STARD10: variants seen among roughly 807,000 people sequenced by gnomAD.
The protein encoded by STARD10 is StAR related lipid transfer domain containing 10.
STARD10 carries 24 observed loss-of-function variants against 36.0 expected under a neutral mutation model. The observed-to-expected ratio is 0.67, with a 90% CI of 0.48 to 0.94. The LOEUF is 0.94. STARD10 is among the 40% of genes least tolerant of loss of function. The pLI, the probability that STARD10 is intolerant of heterozygous loss-of-function variation, is 0.00. For missense variants in STARD10, 335 were observed against 396.6 expected (o/e 0.84, Z 1.32); for synonymous variants, 156 against 161.9 (o/e 0.96, Z 0.28).
chr11:72,780,260 T>TG (rs1298542474), intron 2 of STARD10: 3 of 397,190 alleles, frequency 7.6e-6, no homozygotes, highest in Non-Finnish European at 1.6e-5. Flanking sequence ...AGGAGAATTG[T>TG]GGGGTTGGGA....
At chr11:72,780,502 C>T (rs1858977972) in intron 2 of STARD10, 2 of 395,330 alleles carry the variant, frequency 5.1e-6, no homozygotes, top group South Asian at 1.8e-5. Context: ...AGCAGGGCAT[C>T]GGGCAGTAAG....
At position 72,755,125 on chromosome 11, in the gene STARD10, G is replaced by A. The variant is rs750935121; in HGVS notation, c.648C>T (p.Tyr216=). 2.5e-5 allele frequency: 41 copies of A among 1,612,874 alleles called. No individual in the cohort carries two copies. Among genetic ancestry groups the A allele is most frequent in the Non-Finnish European group, 2.5e-5 (30 of 1,179,586 alleles). ...ACTCGGGGTACTTGAGGCACGCCTT[G>A]TACATCTTCTTCATGGCCTGTGGGC... ...FLAPKAMKKM[Y]KACLKYPEWK... is the part of the protein sequence containing the mutation. The change falls in exon 7 of 7, where the codon TAC becomes TAT. Residue 216 remains tyrosine, a synonymous_variant. Coordinates refer to ENST00000334805, the MANE Select transcript of STARD10 (RefSeq NM_006645.3).
At chr11:72,764,441 G>A (rs1016105139) in intron 2 of STARD10, among the ~76,000 whole-genome samples, 10 of 152,274 alleles carry the variant, frequency 6.6e-5, no homozygotes, top group African/African-American at 2.4e-4. Context: ...GCTAGTGGCA[G>A]ACTCTTGTGG....
In STARD10 at chr11:72,754,808, T is replaced by A; in HGVS notation, c.*89A>T. ...CTGGGCCTGGCCCGGTGCCACCAGG[T>A]GCCGGGTGGGGGAGGGGAGAAAGTG... is the stretch of plus-strand genomic sequence containing the variant. On this transcript the variant is annotated 3_prime_UTR_variant, in exon 7 of 7. Transcript: ENST00000334805. The A allele has an allele frequency of 1.3e-6, 2 of 1,514,228 alleles. No individual in the cohort carries two copies. The highest frequency in any genetic ancestry group is 1.2e-5 in the South Asian group (1 of 82,322). 93.8% of individuals were successfully genotyped at this position (1,514,228 alleles called of 1,614,324 possible).
In STARD10 at chr11:72,755,758, G is replaced by A. The variant is rs1286461149; in HGVS notation, c.578-5C>T. On this transcript the variant is annotated splice_polypyrimidine_tract_variant and splice_region_variant and intron_variant, in intron 5 of 6. Coordinates refer to ENST00000334805, the MANE Select transcript of STARD10 (RefSeq NM_006645.3). ...CCACCCACTTGGGTAAGGAGCCTGT[G>A]AGGGCAGGGAAGGGAGGAAGCAGCC... 1 of 1,611,078 alleles carries A rather than the reference G, an allele frequency of 6.2e-7. No homozygotes were observed. Among genetic ancestry groups the A allele is most frequent in the Admixed American group, 1.7e-5 (1 of 59,698 alleles).
intron 2 of STARD10, among the ~76,000 whole-genome samples, chr11:72,770,418 A>G (rs1330475417): frequency 4.6e-5 from 7 of 152,192 alleles, no homozygotes; most frequent in Admixed American, 3.3e-4. Context: ...GGGTTTCGCC[A>G]TGTTGGCCAG....
chr11:72,773,863 G>A (rs984827279), intron 2 of STARD10, among the ~76,000 whole-genome samples: 3 of 152,206 alleles, frequency 2.0e-5, no homozygotes, highest in Non-Finnish European at 2.9e-5. Context: ...ATGACAGCAG[G>A]GTCTGATCTG....
At chr11:72,775,320 C>T (rs1000345065) in intron 2 of STARD10, among the ~76,000 whole-genome samples, 2 of 152,212 alleles carry the variant, frequency 1.3e-5, no homozygotes, top group African/African-American at 2.4e-5. Context: ...ACAAATACAG[C>T]AGCAGCGCCC....
intron 2 of STARD10, among the ~76,000 whole-genome samples, chr11:72,759,681 A>G (rs1306324088): frequency 6.7e-6 from 1 of 148,718 alleles, no homozygotes; most frequent in African/African-American, 2.4e-5. Context: ...ATGCATCTCT[A>G]TGTCTGTGCC....
chr11:72,781,529 C>T lies in STARD10; in HGVS notation c.-113-235G>A. The T allele has an allele frequency of 4.5e-6, 1 of 221,040 alleles. No individual in the cohort carries two copies. The highest frequency in any genetic ancestry group is 7.5e-5 in the South Asian group (1 of 13,324). The allele number at this position is 221,040 out of a possible 1,614,324, so 13.7% of individuals were successfully genotyped here. A position where few individuals can be genotyped will look rare whatever the true frequency, so the allele number is the denominator to read the frequency against. On this transcript the variant is annotated intron_variant, in intron 1 of 6. Transcript: ENST00000334805. The surrounding 1 kb of genome is among the most constrained non-coding windows in gnomAD (Gnocchi z 4.7). ...GCGGGCGCCCGTCGGGACCCAGGGA[C>T]TGGCCGGGACCCGAGGGGAGGGACG...
At chr11:72,769,096 T>C (rs1858827582) in intron 2 of STARD10, among the ~76,000 whole-genome samples, 1 of 152,034 alleles carries the variant, frequency 6.6e-6, no homozygotes, top group Non-Finnish European at 1.5e-5. Context: ...GGTAAAGGGC[T>C]GGGGGGTGGA....
At position 72,757,813 on chromosome 11, in the gene STARD10, C is replaced by A. The variant is rs1858663728; in HGVS notation, c.531G>T (p.Gly177=). 2 of 1,614,080 alleles carry A rather than the reference C, an allele frequency of 1.2e-6. No homozygotes were observed. Among genetic ancestry groups the A allele is most frequent in the Non-Finnish European group, 1.7e-6 (2 of 1,180,042 alleles). The stretch of plus-strand genomic sequence containing the variant: ...GGTAGGTGATGACGCAGCTCTTGGG[C>A]CCTGTGCTCTGGATGAGGTAGCCCG... ...IQTGYLIQST[G]PKSCVITYLA... is the part of the protein sequence containing the mutation. Residue 177 remains glycine, a synonymous_variant, in exon 5 of 7, where the codon GGG becomes GGT. Coordinates refer to ENST00000334805, the MANE Select transcript of STARD10 (RefSeq NM_006645.3).
At chr11:72,777,880 G>A (rs1441201094) in intron 2 of STARD10, among the ~76,000 whole-genome samples, 3 of 152,214 alleles carry the variant, frequency 2.0e-5, no homozygotes, top group East Asian at 1.9e-4. Flanking sequence ...CACGGGGCAT[G>A]TCCAGGGGTC....
In STARD10 at chr11:72,754,953, CCT is replaced by C. The variant is rs1308906066; in HGVS notation, c.818_819del (p.Glu273GlyfsTer?). On this transcript the variant is annotated frameshift_variant, in exon 7 of 7. Coordinates refer to ENST00000334805, the MANE Select transcript of STARD10 (RefSeq NM_006645.3). LOFTEE classifies it high-confidence loss of function. ...IDESAVAESREERMGGAGGEG... is the reference protein window; with the variant it reads ...IDESAVAESRXERMGGAGGEG... ...TCGCCGCCCGCGCCGCCCATCCGCT[CCT>C]CTCTGCTCTCGGCCACCGCGCTCTC... 31 of 1,608,128 alleles carry C rather than the reference CCT, an allele frequency of 1.9e-5. No homozygotes were observed. Among genetic ancestry groups the C allele is most frequent in the Non-Finnish European group, 2.5e-5 (30 of 1,179,102 alleles).
chr11:72,767,222 G>A (rs960785639), intron 2 of STARD10, among the ~76,000 whole-genome samples: 4 of 152,114 alleles, frequency 2.6e-5, no homozygotes, highest in Non-Finnish European at 5.9e-5. Context: ...ACCATTGCTC[G>A]AAATCACTGA....
intron 1 of STARD10, among the ~76,000 whole-genome samples, chr11:72,789,366 A>G (rs1203312270): frequency 2.0e-5 from 3 of 152,138 alleles, no homozygotes; most frequent in Non-Finnish European, 1.5e-5. Context: ...TTTGTTCCTC[A>G]GTCTGGAGGC....
chr11:72,756,871 C>T (rs1482833986), intron 5 of STARD10, among the ~76,000 whole-genome samples: 2 of 152,124 alleles, frequency 1.3e-5, no homozygotes, highest in African/African-American at 2.4e-5. Flanking sequence ...GGGGGCTAAG[C>T]GCGGTGGCTC....
chr11:72,770,939 C>T (rs1858846761), intron 2 of STARD10, among the ~76,000 whole-genome samples: 1 of 152,238 alleles, frequency 6.6e-6, no homozygotes, highest in Non-Finnish European at 1.5e-5. Context: ...GGAAATGGAG[C>T]TGTCCTTTAG....
intron 2 of STARD10, among the ~76,000 whole-genome samples, chr11:72,772,663 A>ATCTC (rs144004318): frequency 1.3e-5 from 2 of 150,562 alleles, no homozygotes; most frequent in African/African-American, 2.4e-5. Context: ...CTGTCTGTCT[A>ATCTC]TCTCTCTCTC....
Sources: allele counts gnomAD v4.1 joint callset (sites outside exome capture counted in the v4.1 genomes callset), GRCh38; gene constraint gnomAD v4.1.1; non-coding constraint Gnocchi (gnomAD v3.1); transcripts MANE v1.5; gene names NCBI Gene and HGNC (gene_info 2026-07-23, HGNC 2026-07-21).